The following PLLP variants were observed in gnomAD, a reference collection of about 807,000 sequenced individuals.
PLLP encodes plasma membrane proteolipid (plasmolipin).
PLLP carries 15 observed loss-of-function variants against 19.7 expected under a neutral mutation model. The observed-to-expected ratio is 0.76, with a 90% CI of 0.51 to 1.17. The LOEUF (loss-of-function observed/expected upper bound fraction) is 1.17. Ranked by LOEUF, PLLP falls within the 50% of genes most tolerant of loss-of-function variation. The pLI is 0.00. For missense variants in PLLP, 255 were observed against 258.3 expected (o/e 0.99, Z 0.09); for synonymous variants, 111 against 116.3 (o/e 0.95, Z 0.29).
chr16:57,268,633 G>A (rs1458170306), intron 1 of PLLP, among the ~76,000 whole-genome samples: 2 of 152,192 alleles, frequency 1.3e-5, no homozygotes, highest in African/African-American at 4.8e-5. Flanking sequence ...TGGGACTACA[G>A]ACATGCACCA....
At chr16:57,283,057 T>C (rs1386888911) in intron 1 of PLLP, among the ~76,000 whole-genome samples, 1 of 152,072 alleles carries the variant, frequency 6.6e-6, no homozygotes, top group Non-Finnish European at 1.5e-5. Flanking sequence ...TTCCAGGAAC[T>C]AGACCTCTTC....
At chr16:57,274,302 A>T (rs1448429984) in intron 1 of PLLP, among the ~76,000 whole-genome samples, 1 of 151,954 alleles carries the variant, frequency 6.6e-6, no homozygotes, top group African/African-American at 2.4e-5. Context: ...TCTTTACTCA[A>T]TATTTTCATT....
chr16:57,270,532 C>G (rs1183688163), intron 1 of PLLP, among the ~76,000 whole-genome samples: 1 of 152,072 alleles, frequency 6.6e-6, no homozygotes, highest in Non-Finnish European at 1.5e-5. Context: ...AAGCCAAGGA[C>G]ACTCAGAACT....
chr16:57,262,573 A>C (rs2075445385), intron 1 of PLLP, among the ~76,000 whole-genome samples: 1 of 151,656 alleles, frequency 6.6e-6, no homozygotes, highest in South Asian at 2.1e-4. Flanking sequence ...AATAATAATA[A>C]TAATAATAAT....
rs150791980 is a variant in PLLP, at chr16:57,282,432, G to A, written c.135+1974C>T. Among the ~76,000 whole-genome samples, 1,328 of 151,056 alleles carry A rather than the reference G, an allele frequency of 8.8e-3. 8 individuals carry two copies. Among genetic ancestry groups the A allele is most frequent in the Non-Finnish European group, 0.014 (941 of 67,838 alleles). ...TATTTTTTTTTTCCTTTTTTTTGTA[G>A]AGACAGGGTCTCAATATGTTGCCCA... On this transcript the variant is annotated intron_variant, in intron 1 of 3. Coordinates refer to ENST00000219207, the MANE Select transcript of PLLP (RefSeq NM_015993.3).
At chr16:57,267,862 C>A (rs1205570851) in intron 1 of PLLP, among the ~76,000 whole-genome samples, 2 of 133,406 alleles carry the variant, frequency 1.5e-5, no homozygotes, top group Non-Finnish European at 3.1e-5. Flanking sequence ...GCAACAAGAG[C>A]GAAACTCCGT....
At chr16:57,258,614 G>A (rs1203923694) in intron 2 of PLLP, 30 bp from the exon 3 acceptor site, 7 of 1,609,710 alleles carry the variant, frequency 4.3e-6, no homozygotes, top group Non-Finnish European at 5.9e-6. Context: ...GGAGTGGGGA[G>A]AGAAAAGGCT....
rs2075427638 is a variant in PLLP at position 57,256,934 on chromosome 16, C to T, written c.528G>A (p.Gln176=). The change falls in exon 4 of 4, where the codon CAG becomes CAA. Residue 176 remains glutamine (Q), a synonymous_variant. Transcript: ENST00000219207. ...RGVGSNAATS[Q]MAGGYA ...TGGTTTAGGCATAGCCGCCAGCCAT[C>T]TGACTGGTGGCCGCATTGCTGCCTA... The T allele has an allele frequency of 1.2e-6, 2 of 1,612,938 alleles. No homozygotes were observed. The highest frequency in any genetic ancestry group is 2.7e-5 in the African/African-American group (2 of 75,040).
At chr16:57,271,691 C>A (rs1430674031) in intron 1 of PLLP, among the ~76,000 whole-genome samples, 1 of 151,876 alleles carries the variant, frequency 6.6e-6, no homozygotes, top group Admixed American at 6.6e-5. Flanking sequence ...CCAACCTGAA[C>A]TGAAACTACC....
chr16:57,284,443 A>G lies in PLLP; in HGVS notation c.98T>C (p.Val33Ala). The stretch of plus-strand genomic sequence containing the variant: ...CATGAGCGCCCCGAGGCGGGAGCGC[A>G]CGAAGCCCAGGTCCGGGCGCAGCGC... ...VSALRPDLGF[V>A]RSRLGALMLL... The change falls in exon 1 of 4, where the codon GTG becomes GCG. Residue 33 changes from valine (V) to alanine (A), a missense_variant. By Grantham distance (64) the Val-to-Ala change is moderately conservative. Coordinates refer to ENST00000219207, the MANE Select transcript of PLLP (RefSeq NM_015993.3). 1 of 1,404,564 alleles carries G rather than the reference A, an allele frequency of 7.1e-7. No homozygotes were observed. 87.0% of individuals were successfully genotyped at this position (1,404,564 alleles called of 1,614,324 possible).
intron 1 of PLLP, among the ~76,000 whole-genome samples, chr16:57,266,402 T>C (rs1173865083): frequency 6.6e-6 from 1 of 152,218 alleles, no homozygotes; most frequent in African/African-American, 2.4e-5. Context: ...CCAGACAGAC[T>C]GGTTTCTCCT....
At chr16:57,267,429 T>A (rs1436947979) in intron 1 of PLLP, among the ~76,000 whole-genome samples, 2 of 151,912 alleles carry the variant, frequency 1.3e-5, no homozygotes, top group Non-Finnish European at 2.9e-5. Context: ...TAGCCGGGCA[T>A]GGTGGTGGGT....
At chr16:57,272,015 T>A (rs775216031) in intron 1 of PLLP, among the ~76,000 whole-genome samples, 60 of 152,100 alleles carry the variant, frequency 3.9e-4, no homozygotes, top group Non-Finnish European at 7.6e-4. Context: ...CAGGAAGGCC[T>A]TACCCTCCTT....
intron 1 of PLLP, among the ~76,000 whole-genome samples, chr16:57,272,146 C>T (rs1391027993): frequency 6.6e-6 from 1 of 152,238 alleles, no homozygotes; most frequent in Non-Finnish European, 1.5e-5. Flanking sequence ...CCAACCCTCT[C>T]AAGGGAAACA....
chr16:57,270,880 G>GA (rs1429394686), intron 1 of PLLP, among the ~76,000 whole-genome samples: 2 of 152,168 alleles, frequency 1.3e-5, no homozygotes, highest in Non-Finnish European at 2.9e-5. Context: ...TTTCTCGTCG[G>GA]AAAAATGGGC....
At chr16:57,263,438 G>A (rs2075447877) in intron 1 of PLLP, 1 of 152,256 alleles carries the variant, frequency 6.6e-6, no homozygotes, top group Admixed American at 6.5e-5. Context: ...ATCATATAAT[G>A]ACCATTCCTA....
At position 57,256,302 on chromosome 16, in the gene PLLP, C is replaced by A; in HGVS notation, c.*611G>T. On this transcript the variant is annotated 3_prime_UTR_variant, in exon 4 of 4. Coordinates refer to ENST00000219207, the MANE Select transcript of PLLP (RefSeq NM_015993.3). ...GGAAAGGGAAGGAAACCTGGACAGG[C>A]TTTTCAGCACTGAGAAATCACTTAA... The A allele has an allele frequency of 2.7e-6, 1 of 369,522 alleles. No individual in the cohort carries two copies. The highest frequency in any genetic ancestry group is 4.8e-6 in the Non-Finnish European group (1 of 208,810). The allele number at this position is 369,522 out of a possible 1,614,324, so 22.9% of individuals were successfully genotyped here. A position where few individuals can be genotyped will look rare whatever the true frequency, so the allele number is the denominator to read the frequency against.
At chr16:57,279,554 G>A (rs1375113253) in intron 1 of PLLP, among the ~76,000 whole-genome samples, 5 of 151,930 alleles carry the variant, frequency 3.3e-5, no homozygotes, top group South Asian at 2.1e-4. Context: ...TGTACCTGTC[G>A]TCCCAGATAC....
rs535618539 is a variant in PLLP at position 57,256,510 on chromosome 16, G to A, written c.*403C>T. On this transcript the variant is annotated 3_prime_UTR_variant, in exon 4 of 4. Coordinates refer to ENST00000219207, the MANE Select transcript of PLLP (RefSeq NM_015993.3). ...CCTGGAACAAAGACTAAGGTGCTAC[G>A]TGTTGCTTGTTAGGCTTATACTACG... 5 of 199,156 alleles carry A rather than the reference G, an allele frequency of 2.5e-5. No homozygotes were observed. The highest frequency in any genetic ancestry group is 4.6e-5 in the African/African-American group (2 of 43,522). 12.3% of individuals were successfully genotyped at this position (199,156 alleles called of 1,614,324 possible).
Sources: allele counts gnomAD v4.1 joint callset (sites outside exome capture counted in the v4.1 genomes callset), GRCh38; gene constraint gnomAD v4.1.1; transcripts MANE v1.5; gene names NCBI Gene and HGNC (gene_info 2026-07-23, HGNC 2026-07-21).